Variants in ISLR2 observed in about 807,000 individuals in gnomAD.
ISLR2 encodes immunoglobulin superfamily containing leucine rich repeat 2.
A neutral mutation model predicts 25.5 loss-of-function variants in ISLR2; 16 were observed. That is an observed-to-expected ratio of 0.63 (90% confidence interval 0.43 to 0.95). The LOEUF (loss-of-function observed/expected upper bound fraction) is 0.95. Ranked by LOEUF, ISLR2 falls within the 40% of genes least tolerant of loss-of-function variation. The pLI, the probability that ISLR2 is intolerant of heterozygous loss-of-function variation, is 0.00. For missense variants in ISLR2, 883 were observed against 1,030.7 expected, an observed-to-expected ratio of 0.86 and a Z score of 1.96; for synonymous variants, 508 against 486.6, an observed-to-expected ratio of 1.04 and a Z score of -0.58.
chr15:74,124,103 G>C (rs1317259106), upstream of ISLR2, among the ~76,000 whole-genome samples: 1 of 151,288 alleles, frequency 6.6e-6, no homozygotes, highest in Non-Finnish European at 1.5e-5. Flanking sequence ...CCCTGACTGT[G>C]ATCTCAGACT....
rs1595950610 is a variant in ISLR2, at chr15:74,134,386, C to T, written c.1632C>T (p.Ser544=). ...GGGGCGGCGCGGCAGTGCAGTGGTC[C>T]CGCGTAGAGGAAGGCGTCAACGCCT... The part of the protein sequence containing the change: ...PAGGGAAVQW[S]RVEEGVNAYW... Residue 544 remains serine (S), a synonymous_variant, in exon 3 of 3, where the codon TCC becomes TCT. Transcript: ENST00000453268. 6.2e-7 allele frequency: 1 copy of T among 1,608,438 alleles called. No individual in the cohort carries two copies.
chr15:74,134,940 C>A lies in ISLR2; in HGVS notation c.2186C>A (p.Ala729Glu). ...YSDRLPLGAE[A>E]VNIAQEINGN... Reference sequence around the variant, plus strand: ...GATCGGCTGCCCCTGGGCGCCGAGGCGGTCAACATCGCCCAGGAGATTAAT... The same window carrying A: ...GATCGGCTGCCCCTGGGCGCCGAGGAGGTCAACATCGCCCAGGAGATTAAT... The change falls in exon 3 of 3, where the codon GCG (alanine) becomes GAG (glutamate). Residue 729 changes from alanine to glutamate, a missense_variant. Transcript: ENST00000453268. 6.2e-7 allele frequency: 1 copy of A among 1,613,982 alleles called. No individual in the cohort carries two copies.
intron 2 of ISLR2, among the ~76,000 whole-genome samples, chr15:74,110,235 T>G (rs750961625): frequency 7.2e-5 from 11 of 152,210 alleles, no homozygotes; most frequent in Non-Finnish European, 1.6e-4. Flanking sequence ...ATGGCGAGGA[T>G]GCAGACAAAA....
Position 74,134,155 on chromosome 15 carries a change from C to G in ISLR2, c.1401C>G (p.Tyr467Ter). The G allele has an allele frequency of 6.2e-7, 1 of 1,613,336 alleles. No individual in the cohort carries two copies. Among genetic ancestry groups the G allele is most frequent in the Non-Finnish European group, 8.5e-7 (1 of 1,179,776 alleles). The change falls in exon 3 of 3, where the codon TAC becomes TAG. Residue 467 changes from tyrosine to a stop codon, truncating the protein, a stop_gained. Coordinates refer to ENST00000453268, the MANE Select transcript of ISLR2 (RefSeq NM_020851.3). LOFTEE classifies it high-confidence loss of function. ...GTGGCAACGGGGACCCCTCTCGGTA[C>G]GTTTCTAACCACGCGTTCAACCAGA... ...QRCGNGDPSR[Y>*]VSNHAFNQSA... is the part of the protein sequence containing the mutation.
rs747266800 is a variant in ISLR2 at position 74,134,953 on chromosome 15, C to T, written c.2199C>T (p.Ala733=). 4 of 1,613,838 alleles carry T rather than the reference C, an allele frequency of 2.5e-6. No homozygotes were observed. The East Asian group carries it at 8.9e-5, about 36-fold the overall frequency. ...TGGGCGCCGAGGCGGTCAACATCGC[C>T]CAGGAGATTAATGGCAACTACAGGC... The part of the protein sequence containing the change: ...LPLGAEAVNI[A]QEINGNYRQT... Residue 733 remains alanine, a synonymous_variant, in exon 3 of 3, where the codon GCC becomes GCT. Transcript: ENST00000453268.
chr15:74,128,158 G>A (rs1160345509), upstream of ISLR2: 2 of 297,560 alleles, frequency 6.7e-6, no homozygotes, highest in East Asian at 1.3e-4. Flanking sequence ...GGACGGCGCC[G>A]GACGAGGTGC....
At position 74,133,905 on chromosome 15, in the gene ISLR2, C is replaced by T. The variant is rs2141959020; in HGVS notation, c.1151C>T (p.Ala384Val). The change falls in exon 3 of 3, where the codon GCC becomes GTC. Residue 384 changes from alanine to valine, a missense_variant. Transcript: ENST00000453268. Reference sequence around the variant, plus strand: ...GGGCCCCCAAAACACGCGCCTGGCGCCGGGGGAGAACCCGACGGACAGGCC... The same window carrying T: ...GGGCCCCCAAAACACGCGCCTGGCGTCGGGGGAGAACCCGACGGACAGGCC... ...ATGPPKHAPG[A>V]GGEPDGQAPT... The T allele has an allele frequency of 1.2e-6, 2 of 1,605,492 alleles. No individual in the cohort carries two copies. Among genetic ancestry groups the T allele is most frequent in the Non-Finnish European group, 1.7e-6 (2 of 1,176,240 alleles).
intron 1 of ISLR2, among the ~76,000 whole-genome samples, chr15:74,102,845 G>C (rs1350327559): frequency 0.01 from 1,534 of 150,036 alleles, 28 homozygotes; most frequent in African/African-American, 0.036. Flanking sequence ...ATCTTGCTCT[G>C]TTGTCCAGGC....
rs1246650081 is a variant in ISLR2, at chr15:74,135,105, C to T, written c.*113C>T. On this transcript the variant is annotated 3_prime_UTR_variant, in exon 3 of 3. Coordinates refer to ENST00000453268, the MANE Select transcript of ISLR2 (RefSeq NM_020851.3). Reference sequence around the variant, plus strand: ...CGTCCCCAACCTTCACCTACTCCTCCCCCTTACTACTCCCCAACCTTGACT... The same window carrying T: ...CGTCCCCAACCTTCACCTACTCCTCTCCCTTACTACTCCCCAACCTTGACT... 3 of 1,280,576 alleles carry T rather than the reference C, an allele frequency of 2.3e-6. No homozygotes were observed. In the African/African-American group the frequency reaches 4.4e-5, roughly 19 times the overall value. The allele number at this position is 1,280,576 out of a possible 1,614,324, so 79.3% of individuals were successfully genotyped here.
upstream of ISLR2, among the ~76,000 whole-genome samples, chr15:74,125,410 T>G (rs892808848): frequency 1.3e-5 from 2 of 151,972 alleles, no homozygotes; most frequent in Non-Finnish European, 2.9e-5. Flanking sequence ...CCCAACTAAT[T>G]TAAAAAAAAT....
intron 2 of ISLR2, among the ~76,000 whole-genome samples, chr15:74,109,992 C>T (rs1446786760): frequency 1.3e-5 from 2 of 152,106 alleles, no homozygotes; most frequent in African/African-American, 2.4e-5. Context: ...CAGAGTTTCA[C>T]CATGTTGCTC....
At chr15:74,118,786 TA>T (rs2072230760) in intron 2 of ISLR2, among the ~76,000 whole-genome samples, 1 of 151,902 alleles carries the variant, frequency 6.6e-6, no homozygotes, top group Non-Finnish European at 1.5e-5. Context: ...GCCTCCCAAA[TA>T]GCTGGGACTA....
chr15:74,122,837 T>A (rs2072263403), intron 2 of ISLR2, among the ~76,000 whole-genome samples: 1 of 152,064 alleles, frequency 6.6e-6, no homozygotes. Context: ...CCCCAGGAGC[T>A]TTGAGTCTGG....
chr15:74,126,907 T>A (rs2072304964), upstream of ISLR2: 1 of 82,830 alleles, frequency 1.2e-5, no homozygotes, highest in African/African-American at 5.4e-5. Context: ...TGTGTGTGTG[T>A]GTGTGTGTGT....
downstream of ISLR2, among the ~76,000 whole-genome samples, chr15:74,137,943 CTTTT>C (rs1043527263): frequency 6.7e-6 from 1 of 150,068 alleles, no homozygotes; most frequent in Non-Finnish European, 1.5e-5. Flanking sequence ...TGTTTTCTTT[CTTTT>C]TTTTTTATTT....
intron 1 of ISLR2, among the ~76,000 whole-genome samples, chr15:74,103,340 T>C (rs1297318091): frequency 3.3e-5 from 5 of 150,978 alleles, no homozygotes; most frequent in Admixed American, 1.3e-4. Flanking sequence ...CAGTGGCTGA[T>C]GCCTATAATC....
intron 2 of ISLR2, among the ~76,000 whole-genome samples, chr15:74,109,563 G>A (rs1266654408): frequency 2.6e-5 from 4 of 152,172 alleles, no homozygotes; most frequent in South Asian, 2.1e-4. Flanking sequence ...TAGGCGATAC[G>A]GGGATGAATT....
chr15:74,100,503 A>T (rs1206993831), intron 1 of ISLR2: 1 of 246,540 alleles, frequency 4.1e-6, no homozygotes, highest in Non-Finnish European at 7.0e-6. Context: ...TATTTTCGTT[A>T]ACTTAAGGGG....
chr15:74,111,138 TA>T (rs764782225), intron 2 of ISLR2, among the ~76,000 whole-genome samples: 201 of 60,704 alleles, frequency 3.3e-3, no homozygotes, highest in Non-Finnish European at 3.9e-3. Context: ...AGACTCCATC[TA>T]AAAAAAAAAA....
Sources: gnomAD v4.1 joint callset for allele counts (sites outside exome capture counted in the v4.1 genomes callset) on GRCh38, gnomAD v4.1.1 for gene constraint, MANE v1.5 for transcripts, NCBI Gene and HGNC (gene_info 2026-07-23, HGNC 2026-07-21) for gene names.